Variants in RCHY1 observed in about 807,000 individuals in gnomAD.
RCHY1 encodes the protein RING finger and CHY zinc finger domain-containing protein 1.
A neutral mutation model predicts 41.6 loss-of-function variants in RCHY1; 21 were observed. That is an observed-to-expected ratio of 0.51 (90% CI 0.36 to 0.73). RCHY1 has a LOEUF of 0.73. RCHY1 is among the 30% of genes least tolerant of loss of function. RCHY1 has a pLI of 0.00. For synonymous variants in RCHY1, 79 were observed against 102.9 expected (o/e 0.77, Z 1.41); for missense variants, 265 against 325.3 (o/e 0.81, Z 1.43).
chr4:75,487,690 T>C (rs1310122442), intron 8 of RCHY1, among the ~76,000 whole-genome samples: 7 of 90,678 alleles, frequency 7.7e-5, no homozygotes, highest in African/African-American at 3.9e-4. Flanking sequence ...AATATATATA[T>C]TCATATATAT....
intron 3 of RCHY1, among the ~76,000 whole-genome samples, chr4:75,505,599 A>G (rs1724221278): frequency 1.3e-5 from 2 of 152,196 alleles, no homozygotes; most frequent in Admixed American, 1.3e-4. Flanking sequence ...TCTTAGAAAC[A>G]GAGCTCAGTA....
intron 8 of RCHY1, among the ~76,000 whole-genome samples, chr4:75,487,270 G>A (rs1341531881): frequency 1.2e-5 from 1 of 81,932 alleles, no homozygotes; most frequent in East Asian, 3.6e-4. Flanking sequence ...AAATATTTTT[G>A]TTTACTTTTG....
In RCHY1 at chr4:75,514,378, GC is replaced by G. The variant is rs565841054; in HGVS notation, c.-93del. 115 of 1,385,970 alleles carry G rather than the reference GC, an allele frequency of 8.3e-5. No homozygotes were observed. The South Asian group carries it at 1.5e-3, about 18-fold the overall frequency. 85.9% of individuals were successfully genotyped at this position (1,385,970 alleles called of 1,614,324 possible). A position where few individuals can be genotyped will look rare whatever the true frequency, so the allele number is the denominator to read the frequency against. On this transcript the variant is annotated 5_prime_UTR_variant, in exon 1 of 9. Transcript: ENST00000324439. ...GCGCCTCTCTAGCACACCCCTCCCA[GC>G]CCCAGCGGCCACTAGCGACAATATG...
intron 8 of RCHY1, among the ~76,000 whole-genome samples, chr4:75,487,485 C>CATATATATTAATAAT (rs1722134706): frequency 1.1e-5 from 1 of 89,296 alleles, no homozygotes; most frequent in African/African-American, 3.9e-5. Context: ...TATATATAGT[C>CATATATATTAATAAT]ATATATATTC....
rs374960686 is a variant in RCHY1, at chr4:75,482,517, C to A, written c.*21G>T. ...TTTCTATATCAGAAAATGCCAAGTT[C>A]TCCAGTACTGTGTAGGCTCGTCATT... On this transcript the variant is annotated 3_prime_UTR_variant, in exon 9 of 9. Transcript: ENST00000324439. 6.3e-7 allele frequency: 1 copy of A among 1,581,762 alleles called. No homozygotes were observed. Among genetic ancestry groups the A allele is most frequent in the Non-Finnish European group, 8.6e-7 (1 of 1,165,396 alleles).
intron 3 of RCHY1, among the ~76,000 whole-genome samples, chr4:75,501,394 A>T (rs1220896970): frequency 6.6e-6 from 1 of 152,246 alleles, no homozygotes; most frequent in Non-Finnish European, 1.5e-5. Flanking sequence ...TGTCAAACTT[A>T]ATAGATTTTG....
At chr4:75,512,280 T>C (rs545552202) in intron 1 of RCHY1, among the ~76,000 whole-genome samples, 1 of 152,316 alleles carries the variant, frequency 6.6e-6, no homozygotes, top group South Asian at 2.1e-4. Flanking sequence ...CTAACAACTC[T>C]TCCTCCTTAA....
chr4:75,505,722 C>G (rs1001282851), intron 3 of RCHY1, among the ~76,000 whole-genome samples: 4 of 152,134 alleles, frequency 2.6e-5, no homozygotes, highest in Non-Finnish European at 5.9e-5. Flanking sequence ...AGGACTAAAA[C>G]TCCTACTGAG....
chr4:75,495,839 C>G (rs940816950), intron 3 of RCHY1, among the ~76,000 whole-genome samples: 2 of 151,982 alleles, frequency 1.3e-5, no homozygotes, highest in Non-Finnish European at 2.9e-5. Flanking sequence ...TTAATACTAC[C>G]CTTTCCTGAT....
chr4:75,505,703 A>G (rs2148765769), intron 3 of RCHY1, among the ~76,000 whole-genome samples: 1 of 152,338 alleles, frequency 6.6e-6, no homozygotes, highest in African/African-American at 2.4e-5. Context: ...ATGACGAAAT[A>G]GCTTCTATAG....
intron 8 of RCHY1, among the ~76,000 whole-genome samples, chr4:75,488,297 T>C (rs1722437748): frequency 2.0e-5 from 3 of 152,144 alleles, no homozygotes; most frequent in Admixed American, 2.0e-4. Context: ...CCATTTTAAG[T>C]TGTTTCCACA....
intron 3 of RCHY1, among the ~76,000 whole-genome samples, chr4:75,495,052 TATA>T (rs1441184687): frequency 6.6e-6 from 1 of 152,022 alleles, no homozygotes; most frequent in Admixed American, 6.6e-5. Context: ...TAGTTATTTA[TATA>T]ATGAATATCA....
chr4:75,495,530 T>C (rs1723120944), intron 3 of RCHY1, among the ~76,000 whole-genome samples: 1 of 152,018 alleles, frequency 6.6e-6, no homozygotes, highest in African/African-American at 2.4e-5. Context: ...TTCTGCATTG[T>C]ACCCTCAAGA....
At chr4:75,496,862 A>T (rs931681867) in intron 3 of RCHY1, among the ~76,000 whole-genome samples, 1 of 152,166 alleles carries the variant, frequency 6.6e-6, no homozygotes, top group Admixed American at 6.6e-5. Flanking sequence ...AAAGAGGCAG[A>T]AAAACACAAC....
chr4:75,512,942 A>G (rs1278469777), intron 1 of RCHY1, among the ~76,000 whole-genome samples: 1 of 147,942 alleles, frequency 6.8e-6, no homozygotes, highest in East Asian at 2.0e-4. Context: ...ACTGTTTGAC[A>G]CCTAGGGCGA....
chr4:75,491,582 C>T (rs766650178), intron 7 of RCHY1, 29 bp downstream of exon 7: 25 of 1,586,980 alleles, frequency 1.6e-5, no homozygotes, highest in Non-Finnish European at 2.1e-5. Context: ...AAACATCTTA[C>T]AATTATTTTT....
chr4:75,498,211 C>A (rs1337781043), intron 3 of RCHY1, among the ~76,000 whole-genome samples: 2 of 150,662 alleles, frequency 1.3e-5, no homozygotes, highest in Admixed American at 6.6e-5. Context: ...ACTATTTAAC[C>A]ACAAATTGGA....
chr4:75,514,036 G>A (rs1725257661), intron 1 of RCHY1, 161 bp downstream of exon 1: 19 of 1,155,918 alleles, frequency 1.6e-5, no homozygotes, highest in Non-Finnish European at 2.1e-5. Context: ...TTATCGCCTT[G>A]CCAAAAACGT....
chr4:75,487,576 T>G (rs1370286638), intron 8 of RCHY1, among the ~76,000 whole-genome samples: 1 of 85,236 alleles, frequency 1.2e-5, no homozygotes, highest in Non-Finnish European at 2.0e-5. Context: ...ATATATATAT[T>G]CATATATATA....
Sources: allele counts gnomAD v4.1 joint callset (sites outside exome capture counted in the v4.1 genomes callset), GRCh38; gene constraint gnomAD v4.1.1; transcripts MANE v1.5; gene names NCBI Gene and HGNC (gene_info 2026-07-23, HGNC 2026-07-21).